Variants in MKKS observed in about 807,000 individuals in gnomAD.
MKKS encodes the protein molecular chaperone MKKS.
In MKKS, 29 loss-of-function variants were observed where a neutral mutation model predicts 33.2. The observed-to-expected ratio is 0.87, with a 90% confidence interval of 0.65 to 1.19. The LOEUF is 1.19. MKKS is among the 50% of genes most tolerant of loss of function. The probability of loss-of-function intolerance (pLI) is 0.00; values close to 1 mark genes in which losing one functional copy is unlikely to be tolerated. For synonymous variants in MKKS, 260 were observed against 244.0 expected, an observed-to-expected ratio of 1.07 and a Z score of -0.61; for missense variants, 661 against 662.3, an observed-to-expected ratio of 1.00 and a Z score of 0.02.
intron 1 of MKKS, among the ~76,000 whole-genome samples, chr20:10,421,537 T>C (rs1284560103): frequency 6.6e-6 from 1 of 152,166 alleles, no homozygotes; most frequent in African/African-American, 2.4e-5. Flanking sequence ...TGATAGTGTT[T>C]CAACTGCGAT....
intron 1 of MKKS, among the ~76,000 whole-genome samples, chr20:10,424,590 AAAAT>A (rs1460479084): frequency 4.6e-5 from 7 of 152,218 alleles, no homozygotes; most frequent in African/African-American, 1.4e-4. Flanking sequence ...TACAAAAAAA[AAAAT>A]AGTTTTCAAA....
rs2064905702 is a variant in MKKS, at chr20:10,413,064, G to C, written c.451C>G (p.Leu151Val). The change falls in exon 3 of 6, where the codon CTT becomes GTT. Residue 151 changes from leucine to valine, a missense_variant. Coordinates refer to ENST00000347364, the MANE Select transcript of MKKS (RefSeq NM_170784.3). ...PVDFSSTQIL[L>V]CLVRSILTSK... ...GTTAATATACTACGCACCAAACAAA[G>C]GAGGATCTGAGTACTACTAAAGTCC... 1 of 1,613,960 alleles carries C rather than the reference G, an allele frequency of 6.2e-7. No homozygotes were observed. Among genetic ancestry groups the C allele is most frequent in the African/African-American group, 1.3e-5 (1 of 75,042 alleles).
At chr20:10,406,226 C>T (rs529240492) in intron 5 of MKKS, among the ~76,000 whole-genome samples, 1 of 152,060 alleles carries the variant, frequency 6.6e-6, no homozygotes, top group South Asian at 2.1e-4. Context: ...GTAATAAGAC[C>T]TTAAACAGTC....
intron 1 of MKKS, among the ~76,000 whole-genome samples, chr20:10,432,776 C>T (rs903333187): frequency 8.8e-6 from 1 of 113,940 alleles, no homozygotes; most frequent in Non-Finnish European, 1.7e-5. Context: ...CGCGACAGAG[C>T]GAGACTCTTT....
Position 10,413,331 on chromosome 20 carries a change from C to A in MKKS, c.184G>T (p.Ala62Ser), listed in dbSNP as rs1481976418. ...GTGACCAAAAGGTGACTGAGCAGAG[C>A]TGAGGACTGTGAGGTTGTACACACG... ...GYVCTTSQSS[A>S]LLSHLLVTHP... Residue 62 changes from alanine (A) to serine (S), a missense_variant, in exon 3 of 6, where the codon GCT (alanine) becomes TCT (serine). Transcript: ENST00000347364. The A allele has an allele frequency of 6.2e-7, 1 of 1,614,054 alleles. No homozygotes were observed. Among genetic ancestry groups the A allele is most frequent in the African/African-American group, 1.3e-5 (1 of 74,926 alleles).
At chr20:10,423,754 A>G (rs538324776) in intron 1 of MKKS, among the ~76,000 whole-genome samples, 1 of 152,316 alleles carries the variant, frequency 6.6e-6, no homozygotes, top group Admixed American at 6.5e-5. Flanking sequence ...TTCCATTAGG[A>G]TAACTTAAGG....
Position 10,405,200 on chromosome 20 carries a change from A to G in MKKS, c.*47T>C. On this transcript the variant is annotated 3_prime_UTR_variant, in exon 6 of 6. Coordinates refer to ENST00000347364, the MANE Select transcript of MKKS (RefSeq NM_170784.3). Reference sequence around the variant, plus strand: ...CACTCACAATTTTTCTCAATTGCCAACAGACTAGTTTATTTGTTTCTCTTG... The same window carrying G: ...CACTCACAATTTTTCTCAATTGCCAGCAGACTAGTTTATTTGTTTCTCTTG... 6.8e-7 allele frequency: 1 copy of G among 1,481,076 alleles called. No homozygotes were observed. The highest frequency in any genetic ancestry group is 9.2e-7 in the Non-Finnish European group (1 of 1,086,038). The allele number at this position is 1,481,076 out of a possible 1,614,324, so 91.7% of individuals were successfully genotyped here. A position where few individuals can be genotyped will look rare whatever the true frequency, so the allele number is the denominator to read the frequency against.
At position 10,413,751 on chromosome 20, in the gene MKKS, T is replaced by C. The variant is rs1480677207; in HGVS notation, c.-237A>G. ...TATTTTACTTCACTCTTCAATACTC[T>C]TTTGTTTGCTTTGAGACTGAAATTT... On this transcript the variant is annotated 5_prime_UTR_variant, in exon 3 of 6. Transcript: ENST00000347364. 1.2e-5 allele frequency: 7 copies of C among 594,314 alleles called. No individual in the cohort carries two copies. Among genetic ancestry groups the C allele is most frequent in the Non-Finnish European group, 2.1e-5 (7 of 338,826 alleles). The allele number at this position is 594,314 out of a possible 1,614,324, so 36.8% of individuals were successfully genotyped here. A position where few individuals can be genotyped will look rare whatever the true frequency, so the allele number is the denominator to read the frequency against.
intron 1 of MKKS, among the ~76,000 whole-genome samples, chr20:10,426,425 T>G (rs1773403168): frequency 6.6e-6 from 1 of 152,206 alleles, no homozygotes; most frequent in African/African-American, 2.4e-5. Context: ...TTTCTTTTTT[T>G]GGGACAGTCT....
intron 2 of MKKS, among the ~76,000 whole-genome samples, chr20:10,417,565 A>G (rs1170725961): frequency 6.6e-6 from 1 of 152,140 alleles, no homozygotes; most frequent in African/African-American, 2.4e-5. Flanking sequence ...GAGCTATGAT[A>G]TGTTACTGCA....
chr20:10,428,923 T>C (rs145544983), intron 1 of MKKS, among the ~76,000 whole-genome samples: 201 of 152,302 alleles, frequency 1.3e-3, no homozygotes, highest in African/African-American at 4.6e-3. Context: ...CCAGTCCCAC[T>C]TTCTACTGTG....
At position 10,405,523 on chromosome 20, in the gene MKKS, T is replaced by C. The variant is rs373073560; in HGVS notation, c.1437A>G (p.Ser479=). The stretch of plus-strand genomic sequence containing the variant: ...CAACACAGGGAGAATCTGCCTGAAC[T>C]GACCAAAGGTGTCCATACTTCATGT... ...LTDMKYGHLW[S]VQADSPCVAN... The change falls in exon 6 of 6, where the codon TCA becomes TCG. Residue 479 remains serine, a synonymous_variant. Transcript: ENST00000347364. The C allele has an allele frequency of 5.0e-6, 8 of 1,614,220 alleles. No individual in the cohort carries two copies. The East Asian group carries it at 1.8e-4, about 36-fold the overall frequency.
At chr20:10,426,777 A>G (rs2065017082) in intron 1 of MKKS, among the ~76,000 whole-genome samples, 1 of 152,252 alleles carries the variant, frequency 6.6e-6, no homozygotes, top group Admixed American at 6.5e-5. Flanking sequence ...ATTAGAGGGC[A>G]TCTTACAGTT....
intron 1 of MKKS, among the ~76,000 whole-genome samples, chr20:10,422,399 T>A (rs1286859181): frequency 2.6e-5 from 4 of 152,168 alleles, no homozygotes; most frequent in African/African-American, 9.7e-5. Flanking sequence ...CAATTACAAA[T>A]AACTGTATCA....
chr20:10,430,176 A>G (rs2065044936), intron 1 of MKKS, among the ~76,000 whole-genome samples: 1 of 152,210 alleles, frequency 6.6e-6, no homozygotes, highest in Non-Finnish European at 1.5e-5. Context: ...GATCCTGCCT[A>G]CCAGTTTTCA....
intron 4 of MKKS, 95 bp downstream of exon 4, chr20:10,408,533 A>G (rs917346618): frequency 4.7e-6 from 6 of 1,272,764 alleles, no homozygotes; most frequent in Admixed American, 1.8e-5. Context: ...TTTCTATACT[A>G]CCTAGGGAAG....
chr20:10,411,021 G>A (rs539413597), intron 3 of MKKS, among the ~76,000 whole-genome samples: 19 of 147,146 alleles, frequency 1.3e-4, no homozygotes, highest in Non-Finnish European at 2.5e-4. Flanking sequence ...AGGGAATCTT[G>A]CTGTCACCAG....
chr20:10,414,265 CTTTTTTTT>C (rs533171103), intron 2 of MKKS, among the ~76,000 whole-genome samples: 1 of 132,360 alleles, frequency 7.6e-6, no homozygotes, highest in Non-Finnish European at 1.6e-5. Flanking sequence ...GTCTCTGAGT[CTTTTTTTT>C]TTTTTTTTTG....
chr20:10,430,297 C>T, intron 1 of MKKS, among the ~76,000 whole-genome samples: 1 of 152,194 alleles, frequency 6.6e-6, no homozygotes, highest in East Asian at 1.9e-4. Flanking sequence ...TACCACTTTA[C>T]AACTGGCTGT....
Sources: allele counts gnomAD v4.1 joint callset (sites outside exome capture counted in the v4.1 genomes callset), GRCh38; gene constraint gnomAD v4.1.1; transcripts MANE v1.5; gene names NCBI Gene and HGNC (gene_info 2026-07-23, HGNC 2026-07-21).